ZNF701: variants seen among roughly 807,000 people sequenced by gnomAD.
ZNF701 encodes zinc finger protein 701.
Under a neutral mutation model 7.1 loss-of-function variants are expected in ZNF701, and 6 were observed. The observed-to-expected ratio is 0.84, with a 90% confidence interval of 0.46 to 1.66. The LOEUF (loss-of-function observed/expected upper bound fraction) is 1.66, where lower values mean the gene tolerates loss of function less well. ZNF701 is among the 40% of genes most tolerant of loss of function. The pLI is 0.01. For missense variants in ZNF701, 541 were observed against 559.2 expected (o/e 0.97, Z 0.33); for synonymous variants, 166 against 188.2 (o/e 0.88, Z 0.97).
At position 52,582,326 on chromosome 19, in the gene ZNF701, A is replaced by G; in HGVS notation, c.267A>G (p.Glu89=). 9 of 1,614,108 alleles carry G rather than the reference A, an allele frequency of 5.6e-6. No individual in the cohort carries two copies. Among genetic ancestry groups the G allele is most frequent in the Non-Finnish European group, 6.8e-6 (8 of 1,179,998 alleles). The change falls in exon 4 of 4, where the codon GAA becomes GAG. Residue 89 remains glutamate, a synonymous_variant. Coordinates refer to ENST00000391785, the MANE Select transcript of ZNF701 (RefSeq NM_018260.3). ...ACATTGGAGATACTTGCTTCCAGGA[A>G]ATTGAGAAAGATATTCATGACTTTG... ...SHHIGDTCFQ[E]IEKDIHDFVF...
the ZNF701 span, chr19:52,596,319 A>C: frequency 4.9e-6 from 2 of 407,244 alleles, no homozygotes; most frequent in Non-Finnish European, 4.9e-6. Context: ...TTCAATCAGA[A>C]GTCATCCCTT....
chr19:52,588,028 G>C (rs1338229030), downstream of ZNF701, among the ~76,000 whole-genome samples: 4 of 152,176 alleles, frequency 2.6e-5, no homozygotes, highest in Non-Finnish European at 5.9e-5. Flanking sequence ...CATCAGGGGA[G>C]CAAAATCCAA....
chr19:52,592,837 G>A, the ZNF701 span, among the ~76,000 whole-genome samples: 2 of 119,514 alleles, frequency 1.7e-5, 1 homozygote, highest in Admixed American at 1.7e-4. Context: ...AGGGGGATTT[G>A]GCAGGGTCAC....
chr19:52,597,609 AGGC>A, the ZNF701 span: 45 of 359,148 alleles, frequency 1.3e-4, no homozygotes, highest in East Asian at 2.9e-4. Flanking sequence ...TGGGAGCCCA[AGGC>A]TGATAGATCA....
intron 2 of ZNF701, among the ~76,000 whole-genome samples, chr19:52,575,228 C>T (rs2059926166): frequency 1.3e-5 from 2 of 152,172 alleles, no homozygotes; most frequent in South Asian, 4.1e-4. Flanking sequence ...CTCAGCCCCC[C>T]AAAGTGCTGG....
the ZNF701 span, chr19:52,597,910 G>GT: frequency 6.2e-6 from 1 of 161,218 alleles, no homozygotes; most frequent in East Asian, 1.8e-4. Flanking sequence ...TTGGTGGATA[G>GT]TTTCTGATGT....
chr19:52,596,792 G>T, the ZNF701 span: 1 of 535,304 alleles, frequency 1.9e-6, no homozygotes, highest in Non-Finnish European at 3.8e-6. Context: ...CACATGTAAT[G>T]AATGTGGCAA....
intron 3 of ZNF701, among the ~76,000 whole-genome samples, chr19:52,577,443 C>G (rs1345825449): frequency 6.6e-6 from 1 of 152,078 alleles, no homozygotes; most frequent in Non-Finnish European, 1.5e-5. Flanking sequence ...AAAATAGTTA[C>G]AATAAGAAGA....
chr19:52,581,463 G>T (rs12052074), intron 3 of ZNF701, among the ~76,000 whole-genome samples: 64,228 of 151,926 alleles, frequency 0.42, 14,975 homozygotes, highest in South Asian at 0.54. Context: ...CAGGTGATTT[G>T]CCTGTCTCGG....
chr19:52,571,639 C>T (rs766468584), intron 1 of ZNF701, among the ~76,000 whole-genome samples: 20 of 151,978 alleles, frequency 1.3e-4, no homozygotes, highest in Non-Finnish European at 2.8e-4. Context: ...GAATTACAGG[C>T]GTGAGCCACC....
chr19:52,572,015 G>T (rs774825309), intron 1 of ZNF701, among the ~76,000 whole-genome samples: 47 of 151,996 alleles, frequency 3.1e-4, no homozygotes, highest in Non-Finnish European at 6.2e-4. Flanking sequence ...TAGAGATGGG[G>T]TTTCTCCATA....
At chr19:52,580,628 T>C (rs2059969574) in intron 3 of ZNF701, among the ~76,000 whole-genome samples, 1 of 152,224 alleles carries the variant, frequency 6.6e-6, no homozygotes. Flanking sequence ...TGTGTACTAG[T>C]GGTAAGTACA....
intron 3 of ZNF701, among the ~76,000 whole-genome samples, chr19:52,576,777 A>G (rs1015693067): frequency 6.6e-6 from 1 of 152,146 alleles, no homozygotes; most frequent in African/African-American, 2.4e-5. Flanking sequence ...GGGACTCTAC[A>G]AAAGCTCCAG....
intron 1 of ZNF701, among the ~76,000 whole-genome samples, chr19:52,573,716 C>T (rs1232612747): frequency 6.6e-6 from 1 of 152,142 alleles, no homozygotes; most frequent in East Asian, 1.9e-4. Flanking sequence ...GGGGTTTCAC[C>T]ATGTTGCCCA....
chr19:52,583,948 GA>G lies in ZNF701; in HGVS notation c.*494del. 1 of 403,930 alleles carries G rather than the reference GA, an allele frequency of 2.5e-6. No homozygotes were observed. 25.0% of individuals were successfully genotyped at this position (403,930 alleles called of 1,614,324 possible). A position where few individuals can be genotyped will look rare whatever the true frequency, so the allele number is the denominator to read the frequency against. ...TTCATTGGCGATCTTATACAGGAGA[GA>G]AATCTTACAAATGTGATGATTGTGG... On this transcript the variant is annotated 3_prime_UTR_variant, in exon 4 of 4. Coordinates refer to ENST00000391785, the MANE Select transcript of ZNF701 (RefSeq NM_018260.3).
chr19:52,581,065 A>G (rs1384556699), intron 3 of ZNF701, among the ~76,000 whole-genome samples: 1 of 152,158 alleles, frequency 6.6e-6, no homozygotes, highest in East Asian at 1.9e-4. Context: ...CAGAGGCTGC[A>G]GTGAGCCAAG....
chr19:52,591,044 T>A (rs138902979), downstream of ZNF701, among the ~76,000 whole-genome samples: 1 of 152,252 alleles, frequency 6.6e-6, no homozygotes, highest in East Asian at 1.9e-4. Context: ...TTTACCATGT[T>A]GGCCAGGATG....
At chr19:52,573,313 C>G (rs1297354381) in intron 1 of ZNF701, 1 of 152,920 alleles carries the variant, frequency 6.5e-6, no homozygotes, top group Non-Finnish European at 1.5e-5. Flanking sequence ...GATCTTGGCT[C>G]ACTGCAACCT....
At chr19:52,577,787 G>T (rs866399537) in intron 3 of ZNF701, among the ~76,000 whole-genome samples, 2 of 152,120 alleles carry the variant, frequency 1.3e-5, no homozygotes, top group Non-Finnish European at 2.9e-5. Context: ...AGGCTGGATA[G>T]TATCCAGGCC....
Sources: gnomAD v4.1 joint callset for allele counts (sites outside exome capture counted in the v4.1 genomes callset) on GRCh38, gnomAD v4.1.1 for gene constraint, MANE v1.5 for transcripts, NCBI Gene and HGNC (gene_info 2026-07-23, HGNC 2026-07-21) for gene names.